The following VWC2 variants were observed in gnomAD, a reference collection of about 807,000 sequenced individuals.
VWC2 encodes the protein brorin.
A neutral mutation model predicts 29.8 loss-of-function variants in VWC2; 14 were observed. That is an observed-to-expected ratio of 0.47 (90% CI 0.31 to 0.74). VWC2 has a LOEUF of 0.74. Among genes scored for constraint, VWC2 ranks in the 30% least tolerant of loss-of-function variants. The pLI is 0.05. For synonymous variants in VWC2, 213 were observed against 199.0 expected, an observed-to-expected ratio of 1.07 and a Z score of -0.59; for missense variants, 457 against 459.8, an observed-to-expected ratio of 0.99 and a Z score of 0.05.
intron 3 of VWC2, among the ~76,000 whole-genome samples, chr7:49,859,415 G>A (rs796669273): frequency 4.6e-5 from 7 of 152,018 alleles, no homozygotes; most frequent in African/African-American, 1.7e-4. Context: ...TTTAAATTTT[G>A]CTTATTGCAT....
chr7:49,796,382 A>G (rs1379476613), intron 2 of VWC2, among the ~76,000 whole-genome samples: 4 of 152,160 alleles, frequency 2.6e-5, no homozygotes, highest in Admixed American at 6.5e-5. Context: ...AAGCCAGTGC[A>G]CTTTGCAGCA....
At chr7:49,813,774 A>G (rs1789067097) in intron 3 of VWC2, among the ~76,000 whole-genome samples, 1 of 152,228 alleles carries the variant, frequency 6.6e-6, no homozygotes. Context: ...GAAAGGTTTT[A>G]TACAAAAATA....
At chr7:49,832,993 A>C (rs1427476523) in intron 3 of VWC2, among the ~76,000 whole-genome samples, 1 of 152,230 alleles carries the variant, frequency 6.6e-6, no homozygotes, top group Non-Finnish European at 1.5e-5. Context: ...AGCCCTGTAC[A>C]TCCTGAGTTG....
At chr7:49,849,829 A>T (rs1209389169) in intron 3 of VWC2, among the ~76,000 whole-genome samples, 1 of 152,196 alleles carries the variant, frequency 6.6e-6, no homozygotes, top group African/African-American at 2.4e-5. Flanking sequence ...CACTTCTCAG[A>T]TTCTAACCTG....
chr7:49,902,563 A>C (rs1792825012), intron 3 of VWC2, among the ~76,000 whole-genome samples: 2 of 151,716 alleles, frequency 1.3e-5, no homozygotes, highest in African/African-American at 2.4e-5. Flanking sequence ...CCAAAAAAAA[A>C]AAAAAAGAAT....
At chr7:49,818,845 C>A (rs983243732) in intron 3 of VWC2, among the ~76,000 whole-genome samples, 2 of 144,346 alleles carry the variant, frequency 1.4e-5, no homozygotes, top group East Asian at 2.0e-4. Flanking sequence ...CAATATATAT[C>A]ATATATATTC....
At chr7:49,843,630 G>A (rs1261094883) in intron 3 of VWC2, among the ~76,000 whole-genome samples, 3 of 152,288 alleles carry the variant, frequency 2.0e-5, no homozygotes, top group Middle Eastern at 3.4e-3. Context: ...TGTCCACAAC[G>A]TAGGTAAAGA....
At chr7:49,873,580 A>G (rs1791270144) in intron 3 of VWC2, among the ~76,000 whole-genome samples, 1 of 152,222 alleles carries the variant, frequency 6.6e-6, no homozygotes, top group African/African-American at 2.4e-5. Context: ...TGGTGTGAGC[A>G]TGAGTTGGAA....
At chr7:49,777,206 C>A (rs1278270995) in intron 2 of VWC2, among the ~76,000 whole-genome samples, 1 of 152,178 alleles carries the variant, frequency 6.6e-6, no homozygotes, top group East Asian at 1.9e-4. Flanking sequence ...TTCCCACCTG[C>A]AGAGGGCGTT....
At position 49,852,305 on chromosome 7, in the gene VWC2, C is replaced by T. The variant is rs537382504; in HGVS notation, c.826+49465C>T. Among the ~76,000 whole-genome samples, 3 of 152,234 alleles carry T rather than the reference C, an allele frequency of 2.0e-5. No individual in the cohort carries two copies. The South Asian group carries it at 6.2e-4, about 32-fold the overall frequency. On this transcript the variant is annotated intron_variant, in intron 3 of 3. Coordinates refer to ENST00000340652, the MANE Select transcript of VWC2 (RefSeq NM_198570.5). The stretch of plus-strand genomic sequence containing the variant: ...GCTCTGTGGCTGTGCTCTTCAAGGA[C>T]CAAGGACATGCATGCAGATGACATT...
chr7:49,816,043 T>A (rs1342839636), intron 3 of VWC2, among the ~76,000 whole-genome samples: 1 of 150,144 alleles, frequency 6.7e-6, no homozygotes, highest in Admixed American at 6.6e-5. Context: ...AGAGAAGGAG[T>A]GTGTGGGTTG....
chr7:49,906,436 C>G (rs543825775), intron 3 of VWC2, among the ~76,000 whole-genome samples: 1 of 151,984 alleles, frequency 6.6e-6, no homozygotes, highest in Non-Finnish European at 1.5e-5. Context: ...CCTGGGTTCA[C>G]GCCATTTTCC....
chr7:49,782,556 A>G (rs568582282), intron 2 of VWC2, among the ~76,000 whole-genome samples: 1 of 151,546 alleles, frequency 6.6e-6, no homozygotes, highest in Non-Finnish European at 1.5e-5. Context: ...AAAAAAAAAG[A>G]TAATGGGGCC....
chr7:49,795,377 G>A (rs1248913004), intron 2 of VWC2, among the ~76,000 whole-genome samples: 2 of 152,220 alleles, frequency 1.3e-5, no homozygotes, highest in African/African-American at 4.8e-5. Context: ...GTGGTGTGCA[G>A]CTGTATGTGC....
chr7:49,860,268 C>G (rs1258266325), intron 3 of VWC2, among the ~76,000 whole-genome samples: 1 of 152,196 alleles, frequency 6.6e-6, no homozygotes, highest in African/African-American at 2.4e-5. Flanking sequence ...CTGTCTACGT[C>G]AGGCTCATGG....
chr7:49,918,045 T>TACTTCATACCA lies in VWC2; in HGVS notation c.*5861_*5862insCTTCATACCAA, dbSNP rs1793817445. 1.3e-5 allele frequency: 2 copies of TACTTCATACCA among 152,216 alleles called. No homozygotes were observed. Among genetic ancestry groups the TACTTCATACCA allele is most frequent in the African/African-American group, 4.8e-5 (2 of 41,468 alleles). The allele number at this position is 152,216 out of a possible 1,614,324, so 9.4% of individuals were successfully genotyped here. On this transcript the variant is annotated 3_prime_UTR_variant, in exon 4 of 4. Transcript: ENST00000340652. ...TTCTTTATACTACCAAGTAGTTTCA[T>TACTTCATACCA]AGTTTTAAAAAGCCATTCTTAAGCA... is the stretch of plus-strand genomic sequence containing the variant.
At chr7:49,816,345 T>A (rs557479117) in intron 3 of VWC2, among the ~76,000 whole-genome samples, 4 of 152,152 alleles carry the variant, frequency 2.6e-5, no homozygotes, top group Admixed American at 6.5e-5. Context: ...ATTGCAGTGA[T>A]CCAGAGAAGG....
intron 3 of VWC2, among the ~76,000 whole-genome samples, chr7:49,864,549 T>C (rs934209220): frequency 2.6e-5 from 4 of 152,200 alleles, no homozygotes; most frequent in Admixed American, 2.6e-4. Flanking sequence ...TCTGCATGTC[T>C]CAACAGTTGT....
chr7:49,880,185 A>G (rs1424648252), intron 3 of VWC2, among the ~76,000 whole-genome samples: 1 of 152,124 alleles, frequency 6.6e-6, no homozygotes, highest in African/African-American at 2.4e-5. Flanking sequence ...AAATTTTATC[A>G]GTGTCTTTTT....
Sources: allele counts gnomAD v4.1 joint callset (sites outside exome capture counted in the v4.1 genomes callset), GRCh38; gene constraint gnomAD v4.1.1; transcripts MANE v1.5; gene names NCBI Gene and HGNC (gene_info 2026-07-23, HGNC 2026-07-21).